SGCZ: variants seen among roughly 807,000 people sequenced by gnomAD.
SGCZ encodes sarcoglycan zeta.
Under a neutral mutation model 41.3 loss-of-function variants are expected in SGCZ, and 40 were observed. The observed-to-expected ratio is 0.97, with a 90% CI of 0.75 to 1.26. The LOEUF (loss-of-function observed/expected upper bound fraction) is 1.26. Ranked by LOEUF, SGCZ falls within the 50% of genes most tolerant of loss-of-function variation. The pLI is 0.00. For synonymous variants in SGCZ, 206 were observed against 137.5 expected, an observed-to-expected ratio of 1.50 and a Z score of -3.49; for missense variants, 552 against 369.8, an observed-to-expected ratio of 1.49 and a Z score of -4.04.
chr8:15,151,758 A>G (rs1244723382), intron 1 of SGCZ, among the ~76,000 whole-genome samples: 1 of 152,230 alleles, frequency 6.6e-6, no homozygotes, highest in African/African-American at 2.4e-5. Context: ...ATAAGACTTA[A>G]GCACTGAATA....
intron 1 of SGCZ, among the ~76,000 whole-genome samples, chr8:14,685,705 A>T (rs1808589900): frequency 1.3e-5 from 2 of 152,110 alleles, no homozygotes; most frequent in African/African-American, 2.4e-5. Context: ...TATCTATTAC[A>T]TATAAAGCTA....
intron 3 of SGCZ, among the ~76,000 whole-genome samples, chr8:14,253,401 A>G (rs1332111387): frequency 6.6e-6 from 1 of 152,144 alleles, no homozygotes. Flanking sequence ...TACTATTTGT[A>G]CAAGTTTCAT....
intron 1 of SGCZ, among the ~76,000 whole-genome samples, chr8:15,017,815 C>CTT (rs145477890): frequency 4.8e-3 from 732 of 152,196 alleles, no homozygotes; most frequent in East Asian, 0.011. Context: ...CATCATCACA[C>CTT]TTAAAGTTTA....
At chr8:15,082,057 C>T (rs542368180) in intron 1 of SGCZ, among the ~76,000 whole-genome samples, 1 of 151,932 alleles carries the variant, frequency 6.6e-6, no homozygotes, top group Non-Finnish European at 1.5e-5. Context: ...GGTGAAACCC[C>T]GCCTCTACTA....
chr8:14,661,794 C>T (rs144672644), intron 1 of SGCZ, among the ~76,000 whole-genome samples: 85 of 151,632 alleles, frequency 5.6e-4, no homozygotes, highest in African/African-American at 2.0e-3. Flanking sequence ...ATGTTTAACC[C>T]ATCATGAAAA....
At chr8:14,744,061 C>T (rs1799274893) in intron 1 of SGCZ, among the ~76,000 whole-genome samples, 1 of 152,036 alleles carries the variant, frequency 6.6e-6, no homozygotes, top group Non-Finnish European at 1.5e-5. Flanking sequence ...TGTTGAATAG[C>T]CACAGGGTTA....
At chr8:14,577,826 C>A (rs1182042346) in intron 1 of SGCZ, among the ~76,000 whole-genome samples, 1 of 152,188 alleles carries the variant, frequency 6.6e-6, no homozygotes, top group African/African-American at 2.4e-5. Context: ...CAGGCCATGT[C>A]TTAATGATTG....
At chr8:14,286,056 T>G (rs1366364480) in intron 3 of SGCZ, among the ~76,000 whole-genome samples, 1 of 151,628 alleles carries the variant, frequency 6.6e-6, no homozygotes, top group Admixed American at 6.6e-5. Context: ...GGCTTAGTTT[T>G]ATGCTAATGC....
intron 1 of SGCZ, among the ~76,000 whole-genome samples, chr8:14,970,958 T>C (rs1384827966): frequency 1.3e-5 from 2 of 152,226 alleles, no homozygotes; most frequent in African/African-American, 2.4e-5. Context: ...ATAGGTATTT[T>C]TCATTCCCCC....
In SGCZ at chr8:14,087,207, G is replaced by C. The variant is rs1007426499; in HGVS notation, c.*3236C>G. Among the ~76,000 whole-genome samples, 2 of 151,636 alleles carry C rather than the reference G, an allele frequency of 1.3e-5. No homozygotes were observed. The highest frequency in any genetic ancestry group is 4.8e-5 in the African/African-American group (2 of 41,382). ...ATATATATTTTAGACATAAATGTGT[G>C]TATGTGTGTGTATGACTAATAAGTA... On this transcript the variant is annotated 3_prime_UTR_variant, in exon 8 of 8. Coordinates refer to ENST00000382080, the MANE Select transcript of SGCZ (RefSeq NM_139167.4).
chr8:14,930,319 TAA>T (rs758279542), intron 1 of SGCZ, among the ~76,000 whole-genome samples: 1 of 152,046 alleles, frequency 6.6e-6, no homozygotes, highest in South Asian at 2.1e-4. Context: ...TGGCGATCAT[TAA>T]AAAGTCAGGA....
At chr8:14,116,256 C>A (rs374119059) in intron 5 of SGCZ, among the ~76,000 whole-genome samples, 1 of 151,998 alleles carries the variant, frequency 6.6e-6, no homozygotes, top group Non-Finnish European at 1.5e-5. Context: ...GCTTTATGAG[C>A]CTGAGCTGCA....
chr8:14,192,133 T>C (rs1271749745), intron 4 of SGCZ, among the ~76,000 whole-genome samples: 1 of 152,062 alleles, frequency 6.6e-6, no homozygotes, highest in African/African-American at 2.4e-5. Context: ...AAAATACTGG[T>C]CAAGTGAAAA....
At chr8:14,859,139 G>A (rs943628987) in intron 1 of SGCZ, among the ~76,000 whole-genome samples, 3 of 152,010 alleles carry the variant, frequency 2.0e-5, no homozygotes, top group Admixed American at 1.3e-4. Flanking sequence ...ATTGTGCTCT[G>A]GTATGTTGCA....
chr8:15,129,027 C>T (rs900497084), intron 1 of SGCZ, among the ~76,000 whole-genome samples: 1 of 152,200 alleles, frequency 6.6e-6, no homozygotes, highest in Non-Finnish European at 1.5e-5. Flanking sequence ...CCTACCAGAT[C>T]TCATAGTGGA....
In SGCZ at chr8:14,249,258, G is replaced by C. The variant is rs1172872577; in HGVS notation, c.337-11579C>G. 3.3e-5 allele frequency among the ~76,000 whole-genome samples: 5 copies of C among 152,142 alleles called. No homozygotes were observed. The South Asian group carries it at 1.0e-3, about 32-fold the overall frequency. On this transcript the variant is annotated intron_variant, in intron 3 of 7. Transcript: ENST00000382080. ...GAGTCTTCTCTTGCTTTTGAATTCA[G>C]ATCAGGAGTGGAACTTACACCATTG... is the stretch of plus-strand genomic sequence containing the variant.
chr8:14,676,761 A>G (rs1010521201), intron 1 of SGCZ, among the ~76,000 whole-genome samples: 1 of 152,190 alleles, frequency 6.6e-6, no homozygotes, highest in Non-Finnish European at 1.5e-5. Flanking sequence ...ATAAAATCCA[A>G]CACCTGTTAG....
chr8:14,909,450 TTTTG>T (rs779557743), intron 1 of SGCZ, among the ~76,000 whole-genome samples: 2 of 152,158 alleles, frequency 1.3e-5, no homozygotes, highest in Admixed American at 6.6e-5. Flanking sequence ...TTTATATAAA[TTTTG>T]TTTCTTTTTC....
chr8:14,677,152 A>ACTTT (rs201920826), intron 1 of SGCZ, among the ~76,000 whole-genome samples: 1,922 of 152,178 alleles, frequency 0.013, 36 homozygotes, highest in African/African-American at 0.031. Context: ...AAAGTCAAAA[A>ACTTT]CTTATATGCC....
Sources: gnomAD v4.1 joint callset for allele counts (sites outside exome capture counted in the v4.1 genomes callset) on GRCh38, gnomAD v4.1.1 for gene constraint, MANE v1.5 for transcripts, NCBI Gene and HGNC (gene_info 2026-07-23, HGNC 2026-07-21) for gene names.